The following RAB9A variants were observed in gnomAD, a reference collection of about 807,000 sequenced individuals.
RAB9A encodes ras-related protein Rab-9A.
A neutral mutation model predicts 10.3 loss-of-function variants in RAB9A; 1 was observed. The ratio of observed to expected loss-of-function variants is 0.10; its 90% CI spans 0.03 to 0.46. The LOEUF is 0.46. RAB9A is among the 20% of genes least tolerant of loss of function. RAB9A has a pLI of 0.96. For missense variants in RAB9A, 92 were observed against 150.3 expected (o/e 0.61, Z 2.03); for synonymous variants, 39 against 55.2 (o/e 0.71, Z 1.30).
chrX:13,707,456 G>T lies in RAB9A; in HGVS notation c.-26-1265G>T, dbSNP rs571374752. On this transcript the variant is annotated intron_variant, in intron 2 of 2. Coordinates refer to ENST00000464506, the MANE Select transcript of RAB9A (RefSeq NM_004251.5). ...ATTGTACTCATTATATAGAAATTTT[G>T]TACATGTTTTACATTTTTCACAATA... Among the ~76,000 whole-genome samples the T allele has an allele frequency of 5.4e-5, 6 of 111,551 alleles. No individual in the cohort carries two copies. The South Asian group carries it at 1.9e-3, about 35-fold the overall frequency.
chrX:13,689,348 G>A (rs1010056511), intron 1 of RAB9A, 60 bp downstream of exon 1: 1 of 112,726 alleles, frequency 8.9e-6, no homozygotes, highest in African/African-American at 3.2e-5. Flanking sequence ...CGGGGTCTGA[G>A]GGGGCGGCTC....
intron 2 of RAB9A, among the ~76,000 whole-genome samples, chrX:13,708,462 T>G (rs1478030351): frequency 9.1e-6 from 1 of 110,460 alleles, no homozygotes; most frequent in Admixed American, 9.6e-5. Context: ...GGCTTTGGGG[T>G]CAGACTTGGG....
At chrX:13,689,501 A>G (rs1016051177) in intron 1 of RAB9A, among the ~76,000 whole-genome samples, 3 of 111,682 alleles carry the variant, frequency 2.7e-5, no homozygotes, top group Non-Finnish European at 5.7e-5. Context: ...CCTTGGGGAG[A>G]GGGACTCACA....
chrX:13,695,923 T>C (rs1264197444), intron 1 of RAB9A, among the ~76,000 whole-genome samples: 1 of 110,744 alleles, frequency 9.0e-6, no homozygotes, highest in African/African-American at 3.3e-5. Flanking sequence ...GAACCTATTA[T>C]CAGAGTGGTT....
At chrX:13,697,884 C>G in intron 1 of RAB9A, among the ~76,000 whole-genome samples, 1 of 111,973 alleles carries the variant, frequency 8.9e-6, no homozygotes. Context: ...TATTTTCTCC[C>G]TGAAGCTCAT....
At chrX:13,699,700 A>G (rs1375880025) in intron 1 of RAB9A, among the ~76,000 whole-genome samples, 1 of 112,574 alleles carries the variant, frequency 8.9e-6, no homozygotes, top group Non-Finnish European at 1.9e-5. Context: ...GGGGCCTCCC[A>G]GGCCAAAGTA....
At chrX:13,689,914 C>T (rs760453836) in intron 1 of RAB9A, among the ~76,000 whole-genome samples, 1 of 110,142 alleles carries the variant, frequency 9.1e-6, no homozygotes, top group South Asian at 3.9e-4. Context: ...AGTAAAAAGG[C>T]AAAATGAGAA....
intron 2 of RAB9A, among the ~76,000 whole-genome samples, 181 bp from the exon 3 acceptor site, chrX:13,708,540 T>G (rs1038859004): frequency 2.7e-5 from 3 of 111,167 alleles, no homozygotes. Flanking sequence ...CCCAGCTGTT[T>G]CAGAGAATAA....
At chrX:13,700,240 G>A (rs1317662469) in intron 1 of RAB9A, among the ~76,000 whole-genome samples, 2 of 111,924 alleles carry the variant, frequency 1.8e-5, no homozygotes, top group Non-Finnish European at 3.8e-5. Flanking sequence ...ATGAGCCACC[G>A]TGCGTGGCCA....
chrX:13,690,058 C>G (rs1391421165), intron 1 of RAB9A, among the ~76,000 whole-genome samples: 1 of 107,434 alleles, frequency 9.3e-6, no homozygotes, highest in African/African-American at 3.4e-5. Flanking sequence ...CGGCACGTGA[C>G]CACAATCTTT....
chrX:13,694,461 C>G (rs1469563237), intron 1 of RAB9A, among the ~76,000 whole-genome samples: 3 of 112,180 alleles, frequency 2.7e-5, no homozygotes, highest in Non-Finnish European at 5.6e-5. Flanking sequence ...AGTTGCCACC[C>G]TCATAATCCA....
At chrX:13,701,743 GA>G (rs766654368) in intron 1 of RAB9A, among the ~76,000 whole-genome samples, 1 of 111,327 alleles carries the variant, frequency 9.0e-6, no homozygotes, top group African/African-American at 3.3e-5. Context: ...CCACACGGCT[GA>G]CTAGGAGTTA....
chrX:13,689,220 C>T lies in RAB9A; in HGVS notation c.-184C>T, dbSNP rs1302157933. 8.8e-6 allele frequency: 1 copy of T among 113,441 alleles called. No individual in the cohort carries two copies. Among genetic ancestry groups the T allele is most frequent in the Non-Finnish European group, 1.9e-5 (1 of 53,354 alleles). The allele number at this position is 113,441 out of a possible 1,213,427, so 9.3% of individuals were successfully genotyped here. ...TCCTGCTGTGCAGGTCCCCGACCCT[C>T]TCTCTGTCCTCATTGCGCCCAGACG... On this transcript the variant is annotated 5_prime_UTR_variant, in exon 1 of 3. Transcript: ENST00000464506.
intron 1 of RAB9A, among the ~76,000 whole-genome samples, chrX:13,701,901 A>G (rs2046175582): frequency 1.8e-5 from 2 of 111,441 alleles, no homozygotes; most frequent in Admixed American, 9.5e-5. Context: ...GAGAGGGATC[A>G]TAGCAGCATC....
chrX:13,693,681 GTTA>G (rs1237592454), intron 1 of RAB9A, among the ~76,000 whole-genome samples: 3 of 112,170 alleles, frequency 2.7e-5, no homozygotes, highest in Non-Finnish European at 5.6e-5. Context: ...TTCAGGCGTT[GTTA>G]TTATGTTGCT....
At chrX:13,696,399 G>A (rs746429226) in intron 1 of RAB9A, among the ~76,000 whole-genome samples, 2 of 110,838 alleles carry the variant, frequency 1.8e-5, no homozygotes, top group Non-Finnish European at 3.8e-5. Flanking sequence ...TCCAGCCTGG[G>A]TGGTAGAGAA....
At chrX:13,689,560 C>T (rs1471727582) in intron 1 of RAB9A, among the ~76,000 whole-genome samples, 3 of 111,955 alleles carry the variant, frequency 2.7e-5, no homozygotes, top group Non-Finnish European at 5.7e-5. Flanking sequence ...GCCCGGACAC[C>T]CGTGCACATA....
intron 1 of RAB9A, among the ~76,000 whole-genome samples, chrX:13,699,704 C>G (rs938837219): frequency 8.9e-6 from 1 of 112,137 alleles, no homozygotes; most frequent in African/African-American, 3.2e-5. Flanking sequence ...CCTCCCAGGC[C>G]AAAGTAACAG....
chrX:13,692,174 C>T (rs1489109179), intron 1 of RAB9A, among the ~76,000 whole-genome samples: 1 of 110,470 alleles, frequency 9.1e-6, no homozygotes, highest in African/African-American at 3.3e-5. Flanking sequence ...TAGCCTAGCT[C>T]AGTGTGGTGG....
Sources: allele counts gnomAD v4.1 joint callset (sites outside exome capture counted in the v4.1 genomes callset), GRCh38; gene constraint gnomAD v4.1.1; transcripts MANE v1.5; gene names NCBI Gene and HGNC (gene_info 2026-07-23, HGNC 2026-07-21).